PEBP4: variants seen among roughly 807,000 people sequenced by gnomAD.
The protein encoded by PEBP4 is phosphatidylethanolamine binding protein 4.
A neutral mutation model predicts 23.9 loss-of-function variants in PEBP4; 22 were observed. The ratio of observed to expected loss-of-function variants is 0.92; its 90% confidence interval spans 0.66 to 1.31. The LOEUF is 1.31. PEBP4 is among the 40% of genes most tolerant of loss of function. The pLI is 0.00. For missense variants in PEBP4, 324 were observed against 281.7 expected (o/e 1.15, Z -1.07); for synonymous variants, 112 against 99.3 (o/e 1.13, Z -0.76).
intron 4 of PEBP4, among the ~76,000 whole-genome samples, chr8:22,808,384 A>G (rs1806547619): frequency 6.6e-6 from 1 of 152,158 alleles, no homozygotes; most frequent in South Asian, 2.1e-4. Flanking sequence ...TTATTCATTC[A>G]TTCATTTCTT....
At chr8:22,753,300 C>A (rs893444847) in intron 4 of PEBP4, among the ~76,000 whole-genome samples, 2 of 152,168 alleles carry the variant, frequency 1.3e-5, no homozygotes, top group African/African-American at 4.8e-5. Flanking sequence ...CTGTGAGCAT[C>A]CCAGAGACAA....
intron 6 of PEBP4, among the ~76,000 whole-genome samples, chr8:22,716,494 T>G (rs1026018690): frequency 4.6e-5 from 7 of 152,190 alleles, no homozygotes; most frequent in African/African-American, 1.7e-4. Flanking sequence ...CTTCAGCAGC[T>G]GGGGAAGGGG....
intron 6 of PEBP4, among the ~76,000 whole-genome samples, chr8:22,718,089 C>T (rs1363848017): frequency 8.5e-5 from 13 of 152,142 alleles, no homozygotes; most frequent in Admixed American, 8.5e-4. Context: ...GCTGATACTG[C>T]GGGCTCCAGA....
At chr8:22,741,312 T>C (rs1416069738) in intron 4 of PEBP4, among the ~76,000 whole-genome samples, 1 of 152,190 alleles carries the variant, frequency 6.6e-6, no homozygotes, top group Non-Finnish European at 1.5e-5. Flanking sequence ...TCAACCCAGA[T>C]TCATTTGTCT....
intron 2 of PEBP4, among the ~76,000 whole-genome samples, chr8:22,921,529 A>ACCCTTCC (rs1809200387): frequency 6.6e-6 from 1 of 151,952 alleles, no homozygotes; most frequent in Non-Finnish European, 1.5e-5. Context: ...TCCACCTCCC[A>ACCCTTCC]CCCTTCCAGT....
intron 3 of PEBP4, among the ~76,000 whole-genome samples, chr8:22,858,196 T>A (rs549100359): frequency 6.6e-6 from 1 of 152,170 alleles, no homozygotes; most frequent in South Asian, 2.1e-4. Flanking sequence ...GGTGTTGAAA[T>A]GGTGAAAGGA....
intron 4 of PEBP4, among the ~76,000 whole-genome samples, chr8:22,777,375 G>C (rs981693509): frequency 6.6e-6 from 1 of 152,174 alleles, no homozygotes; most frequent in Non-Finnish European, 1.5e-5. Flanking sequence ...TGTTGGGTGG[G>C]GCCCTTCTAA....
intron 3 of PEBP4, among the ~76,000 whole-genome samples, chr8:22,888,697 A>C (rs1300820801): frequency 6.6e-6 from 1 of 152,222 alleles, no homozygotes; most frequent in Non-Finnish European, 1.5e-5. Context: ...TGTGCCCAGA[A>C]ACCTGCAATG....
At chr8:22,874,079 C>A (rs1412799736) in intron 3 of PEBP4, among the ~76,000 whole-genome samples, 1 of 152,074 alleles carries the variant, frequency 6.6e-6, no homozygotes, top group Non-Finnish European at 1.5e-5. Flanking sequence ...GTGTGTGGAG[C>A]CCATCCCGCA....
chr8:22,938,337 G>T (rs990888168), intron 1 of PEBP4, among the ~76,000 whole-genome samples: 1 of 152,062 alleles, frequency 6.6e-6, no homozygotes, highest in Admixed American at 6.5e-5. Context: ...TGTCTGTAAC[G>T]GACACCTTTG....
chr8:22,756,571 G>C (rs534495174), intron 4 of PEBP4, among the ~76,000 whole-genome samples: 1 of 152,278 alleles, frequency 6.6e-6, no homozygotes, highest in Admixed American at 6.5e-5. Flanking sequence ...GATGCTTGGG[G>C]AAGCAAGCCT....
At chr8:22,808,083 C>T (rs1016940124) in intron 4 of PEBP4, among the ~76,000 whole-genome samples, 2 of 152,066 alleles carry the variant, frequency 1.3e-5, no homozygotes, top group African/African-American at 4.8e-5. Context: ...ACCTATCCAA[C>T]CTCTATCCAT....
At chr8:22,750,599 A>G (rs1267641002) in intron 4 of PEBP4, among the ~76,000 whole-genome samples, 1 of 152,080 alleles carries the variant, frequency 6.6e-6, no homozygotes, top group African/African-American at 2.4e-5. Flanking sequence ...TTCACCTTCT[A>G]TGGGAAGGAA....
At chr8:22,893,203 G>C (rs1196375285) in intron 3 of PEBP4, among the ~76,000 whole-genome samples, 1 of 152,202 alleles carries the variant, frequency 6.6e-6, no homozygotes, top group African/African-American at 2.4e-5. Context: ...GCAGCAGGGA[G>C]AGTATTCAGC....
chr8:22,812,574 A>AT (rs1369112627), intron 4 of PEBP4, among the ~76,000 whole-genome samples: 1 of 152,206 alleles, frequency 6.6e-6, no homozygotes, highest in Non-Finnish European at 1.5e-5. Flanking sequence ...TACAGGTCAA[A>AT]GCATGCATGG....
chr8:22,912,538 T>C (rs1033623135), intron 3 of PEBP4, among the ~76,000 whole-genome samples: 2 of 152,250 alleles, frequency 1.3e-5, no homozygotes, highest in Non-Finnish European at 2.9e-5. Context: ...CATCCGGGGC[T>C]GGTTCTCCCA....
intron 6 of PEBP4, among the ~76,000 whole-genome samples, chr8:22,724,066 C>T (rs532612257): frequency 1.4e-3 from 210 of 152,354 alleles, no homozygotes; most frequent in African/African-American, 4.8e-3. Flanking sequence ...CTATTGTCTT[C>T]CCTTCCCTAA....
At chr8:22,746,107 C>T (rs973086199) in intron 4 of PEBP4, among the ~76,000 whole-genome samples, 6 of 143,388 alleles carry the variant, frequency 4.2e-5, no homozygotes, top group African/African-American at 1.5e-4. Context: ...TTTCATATTA[C>T]TATATTCAAC....
At chr8:22,910,457 A>G (rs962334899) in intron 3 of PEBP4, among the ~76,000 whole-genome samples, 2 of 152,250 alleles carry the variant, frequency 1.3e-5, no homozygotes, top group Non-Finnish European at 2.9e-5. Context: ...AGAGACAAAC[A>G]AGAAAATGAA....
Sources: allele counts gnomAD v4.1 joint callset (sites outside exome capture counted in the v4.1 genomes callset), GRCh38; gene constraint gnomAD v4.1.1; transcripts MANE v1.5; gene names NCBI Gene and HGNC (gene_info 2026-07-23, HGNC 2026-07-21).